ZCCHC7: variants seen among roughly 807,000 people sequenced by gnomAD.
ZCCHC7 encodes the protein zinc finger CCHC-type containing 7, also known as zinc finger CCHC domain-containing protein 7.
ZCCHC7 carries 35 observed loss-of-function variants against 52.0 expected under a neutral mutation model. That is an observed-to-expected ratio of 0.67 (90% CI 0.51 to 0.89). ZCCHC7 has a LOEUF of 0.89. Ranked by LOEUF, ZCCHC7 falls within the 40% of genes least tolerant of loss-of-function variation. The probability of loss-of-function intolerance (pLI) is 0.00; values close to 1 mark genes in which losing one functional copy is unlikely to be tolerated. For missense variants in ZCCHC7, 574 were observed against 649.1 expected (o/e 0.88, Z 1.26); for synonymous variants, 217 against 221.5 (o/e 0.98, Z 0.18).
chr9:37,130,686 C>T (rs577957068), intron 2 of ZCCHC7, among the ~76,000 whole-genome samples: 3 of 151,120 alleles, frequency 2.0e-5, no homozygotes, highest in African/African-American at 2.4e-5. Flanking sequence ...TTAGTAGAGA[C>T]GGGGTTTCGC....
intron 1 of ZCCHC7, among the ~76,000 whole-genome samples, chr9:37,125,053 T>C (rs980808128): frequency 3.3e-5 from 5 of 152,214 alleles, no homozygotes; most frequent in Non-Finnish European, 5.9e-5. Flanking sequence ...AGTTTCACCA[T>C]CTTGGCTAGG....
intron 2 of ZCCHC7, among the ~76,000 whole-genome samples, chr9:37,141,296 A>AT (rs201295350): frequency 1.6e-4 from 24 of 149,426 alleles, no homozygotes; most frequent in East Asian, 3.9e-4. Context: ...AAAAAGGGGA[A>AT]TTTTTTTTTT....
chr9:37,218,447 A>G (rs530206513), intron 2 of ZCCHC7, among the ~76,000 whole-genome samples: 1 of 152,354 alleles, frequency 6.6e-6, no homozygotes, highest in Non-Finnish European at 1.5e-5. Context: ...TTCATAATGT[A>G]TATAAATTCA....
intron 2 of ZCCHC7, among the ~76,000 whole-genome samples, chr9:37,155,613 C>T (rs1820775302): frequency 1.3e-5 from 2 of 152,308 alleles, no homozygotes; most frequent in South Asian, 4.1e-4. Flanking sequence ...ATTCAATCTT[C>T]GTAAACTGGC....
chr9:37,149,501 A>G (rs992979612), intron 2 of ZCCHC7, among the ~76,000 whole-genome samples: 2 of 152,118 alleles, frequency 1.3e-5, no homozygotes, highest in African/African-American at 2.4e-5. Context: ...TCAATTCCTT[A>G]GACATTTTTT....
At chr9:37,214,826 A>G (rs1302657581) in intron 2 of ZCCHC7, among the ~76,000 whole-genome samples, 1 of 152,040 alleles carries the variant, frequency 6.6e-6, no homozygotes, top group Non-Finnish European at 1.5e-5. Flanking sequence ...ATGAAGCTCA[A>G]TTTCAAGTCA....
At chr9:37,337,197 A>G (rs1830710936) in intron 6 of ZCCHC7, among the ~76,000 whole-genome samples, 1 of 152,174 alleles carries the variant, frequency 6.6e-6, no homozygotes, top group Admixed American at 6.5e-5. Flanking sequence ...TAGATTAAAA[A>G]ACAGCACTAA....
At chr9:37,195,152 A>G (rs1047600039) in intron 2 of ZCCHC7, among the ~76,000 whole-genome samples, 30 of 151,996 alleles carry the variant, frequency 2.0e-4, no homozygotes, top group African/African-American at 6.8e-4. Context: ...TTACCATGTT[A>G]GCAAGGCTGG....
chr9:37,242,302 G>A (rs931757349), intron 2 of ZCCHC7, among the ~76,000 whole-genome samples: 1 of 151,736 alleles, frequency 6.6e-6, no homozygotes, highest in African/African-American at 2.4e-5. Context: ...ATGTTCAAAG[G>A]AAATTGAGTT....
At chr9:37,349,579 T>A in intron 7 of ZCCHC7, 127 bp downstream of exon 7, 1 of 905,082 alleles carries the variant, frequency 1.1e-6, no homozygotes, top group Non-Finnish European at 1.7e-6. Context: ...AGACTTAATA[T>A]ATTTTCAACT....
At chr9:37,188,453 C>T (rs1265892573) in intron 2 of ZCCHC7, among the ~76,000 whole-genome samples, 1 of 150,724 alleles carries the variant, frequency 6.6e-6, no homozygotes, top group Non-Finnish European at 1.5e-5. Flanking sequence ...ATGCCCAGCC[C>T]CTGAGGTTGG....
chr9:37,188,546 C>A (rs1387780990), intron 2 of ZCCHC7, among the ~76,000 whole-genome samples: 2 of 81,494 alleles, frequency 2.5e-5, no homozygotes, highest in Middle Eastern at 6.4e-3. Flanking sequence ...TATTACCCTC[C>A]CCCCTCACCT....
chr9:37,177,221 G>T (rs1822087589), intron 2 of ZCCHC7, among the ~76,000 whole-genome samples: 1 of 152,206 alleles, frequency 6.6e-6, no homozygotes, highest in Non-Finnish European at 1.5e-5. Flanking sequence ...TGTAGTCCCA[G>T]CTACTTGAGA....
intron 2 of ZCCHC7, among the ~76,000 whole-genome samples, chr9:37,156,692 A>G (rs575128819): frequency 6.6e-6 from 1 of 152,362 alleles, no homozygotes; most frequent in South Asian, 2.1e-4. Flanking sequence ...TTATTCTGGT[A>G]ACTGAAAGTT....
At chr9:37,122,823 G>A (rs1376334181) in intron 1 of ZCCHC7, among the ~76,000 whole-genome samples, 3 of 152,208 alleles carry the variant, frequency 2.0e-5, no homozygotes, top group Non-Finnish European at 2.9e-5. Context: ...TGTAATCCCA[G>A]CTACTTGGGA....
intron 2 of ZCCHC7, among the ~76,000 whole-genome samples, chr9:37,223,890 C>G (rs1181432757): frequency 2.0e-5 from 3 of 151,968 alleles, no homozygotes; most frequent in South Asian, 4.1e-4. Context: ...GGTAGTAAAA[C>G]AGCATGCACC....
chr9:37,313,509 A>G (rs1405837602), intron 5 of ZCCHC7, among the ~76,000 whole-genome samples: 1 of 152,232 alleles, frequency 6.6e-6, no homozygotes, highest in Non-Finnish European at 1.5e-5. Context: ...GACCTTATGT[A>G]AATAATTATG....
chr9:37,340,720 T>G (rs1053679853), intron 6 of ZCCHC7, among the ~76,000 whole-genome samples: 1 of 152,186 alleles, frequency 6.6e-6, no homozygotes, highest in Non-Finnish European at 1.5e-5. Context: ...TTTTGTTAGA[T>G]CATAGTATGA....
At chr9:37,289,211 G>A (rs1313531206) in intron 2 of ZCCHC7, among the ~76,000 whole-genome samples, 3 of 150,568 alleles carry the variant, frequency 2.0e-5, no homozygotes, top group Non-Finnish European at 3.0e-5. Flanking sequence ...GTGCAGTGGT[G>A]TGGTCTCGGG....
Sources: gnomAD v4.1 joint callset for allele counts (sites outside exome capture counted in the v4.1 genomes callset) on GRCh38, gnomAD v4.1.1 for gene constraint, MANE v1.5 for transcripts, NCBI Gene and HGNC (gene_info 2026-07-23, HGNC 2026-07-21) for gene names.